GRID2: variants seen among roughly 807,000 people sequenced by gnomAD.
The protein encoded by GRID2 is glutamate ionotropic receptor delta type subunit 2.
Under a neutral mutation model 114.8 loss-of-function variants are expected in GRID2, and 33 were observed. That is an observed-to-expected ratio of 0.29 (90% CI 0.22 to 0.38). The LOEUF is 0.38. Among genes scored for constraint, GRID2 ranks in the 10% least tolerant of loss-of-function variants. The pLI, the probability that GRID2 is intolerant of heterozygous loss-of-function variation, is 1.00. For synonymous variants in GRID2, 505 were observed against 449.9 expected (o/e 1.12, Z -1.55); for missense variants, 1,184 against 1,257.7 (o/e 0.94, Z 0.89).
chr4:93,430,555 C>T (rs1215334922), intron 10 of GRID2, among the ~76,000 whole-genome samples: 1 of 152,210 alleles, frequency 6.6e-6, no homozygotes, highest in Non-Finnish European at 1.5e-5. Flanking sequence ...TGGAGGGATG[C>T]AAGTGTGAAT....
intron 1 of GRID2, among the ~76,000 whole-genome samples, chr4:92,504,727 G>C (rs571825613): frequency 4.0e-5 from 6 of 151,608 alleles, no homozygotes; most frequent in African/African-American, 4.8e-5. Context: ...AAACAGATAG[G>C]TTCCTAAAAT....
intron 1 of GRID2, among the ~76,000 whole-genome samples, chr4:92,558,123 GA>G: frequency 6.6e-6 from 1 of 151,996 alleles, no homozygotes; most frequent in Non-Finnish European, 1.5e-5. Context: ...TCCTGTGAGG[GA>G]AGGTCGAATA....
intron 2 of GRID2, among the ~76,000 whole-genome samples, chr4:93,041,034 C>T (rs1016770870): frequency 1.7e-4 from 26 of 152,008 alleles, no homozygotes; most frequent in African/African-American, 6.3e-4. Context: ...AAATTAAGAA[C>T]AAAAATCAGA....
intron 11 of GRID2, among the ~76,000 whole-genome samples, chr4:93,463,528 A>G (rs1045189055): frequency 6.6e-6 from 1 of 152,214 alleles, no homozygotes; most frequent in African/African-American, 2.4e-5. Flanking sequence ...AAGAACTAGT[A>G]CAATCAACAT....
At chr4:92,496,354 A>T (rs954382564) in intron 1 of GRID2, among the ~76,000 whole-genome samples, 2 of 151,796 alleles carry the variant, frequency 1.3e-5, no homozygotes, top group African/African-American at 4.8e-5. Flanking sequence ...ATCTGAAAAC[A>T]AAACAAAACA....
intron 2 of GRID2, among the ~76,000 whole-genome samples, chr4:92,932,351 A>G (rs1750306699): frequency 1.3e-5 from 2 of 151,344 alleles, no homozygotes; most frequent in Non-Finnish European, 3.0e-5. Context: ...TTGCACAACT[A>G]CAATGGCTTT....
At chr4:92,361,272 C>T (rs1391627155) in intron 1 of GRID2, among the ~76,000 whole-genome samples, 1 of 151,920 alleles carries the variant, frequency 6.6e-6, no homozygotes, top group East Asian at 1.9e-4. Context: ...GTAAGTCATT[C>T]TACATGTTCC....
chr4:92,502,109 A>G (rs770864820), intron 1 of GRID2, among the ~76,000 whole-genome samples: 2 of 152,112 alleles, frequency 1.3e-5, no homozygotes, highest in Non-Finnish European at 2.9e-5. Context: ...TATTCCTTTT[A>G]AAAAAATAAA....
chr4:93,390,731 A>T (rs1764771912), intron 8 of GRID2, among the ~76,000 whole-genome samples: 1 of 152,166 alleles, frequency 6.6e-6, no homozygotes, highest in African/African-American at 2.4e-5. Flanking sequence ...AGTTGATAAT[A>T]GAGTGATTAT....
intron 10 of GRID2, among the ~76,000 whole-genome samples, chr4:93,435,710 A>G (rs1473504039): frequency 2.6e-5 from 4 of 152,188 alleles, no homozygotes; most frequent in Non-Finnish European, 2.9e-5. Context: ...GAATTTAAAT[A>G]CCTTGCTCAA....
chr4:92,827,955 T>A (rs113617038), intron 2 of GRID2, among the ~76,000 whole-genome samples: 3 of 152,198 alleles, frequency 2.0e-5, no homozygotes, highest in African/African-American at 7.2e-5. Flanking sequence ...TAGTTAATGT[T>A]GAGAATGTCA....
At chr4:92,467,167 T>C (rs1721801045) in intron 1 of GRID2, among the ~76,000 whole-genome samples, 2 of 151,880 alleles carry the variant, frequency 1.3e-5, no homozygotes. Flanking sequence ...TTATTTGAAG[T>C]TTTCAATTTT....
At position 93,446,729 on chromosome 4, in the gene GRID2, G is replaced by T. The variant is rs370375259; in HGVS notation, c.1546-8933G>T. 2.6e-5 allele frequency among the ~76,000 whole-genome samples: 4 copies of T among 152,038 alleles called. No individual in the cohort carries two copies. In the South Asian group the frequency reaches 6.2e-4, roughly 24 times the overall value. ...TTTCTATGTAGACTCTACTAATTTT[G>T]AATTCTGGCTGAAGTATTTTAAAAC... On this transcript the variant is annotated intron_variant, in intron 10 of 15. Transcript: ENST00000282020.
Position 92,590,306 on chromosome 4 carries a change from T to G in GRID2, c.244+20T>G, listed in dbSNP as rs1197732332. ...AAGAAGGTAAGGTCATCAGTATTTA[T>G]TTTGGTTTTTTGGTTCAATTCAAGT... On this transcript the variant is annotated intron_variant, in intron 2 of 15. Transcript: ENST00000282020. 1.3e-6 allele frequency: 2 copies of G among 1,561,830 alleles called. No individual in the cohort carries two copies. The highest frequency in any genetic ancestry group is 1.7e-6 in the Non-Finnish European group (2 of 1,145,652).
At chr4:92,529,887 T>TCA (rs1725243174) in intron 1 of GRID2, among the ~76,000 whole-genome samples, 1 of 151,966 alleles carries the variant, frequency 6.6e-6, no homozygotes, top group African/African-American at 2.4e-5. Flanking sequence ...AAGCGGAGAA[T>TCA]AGTAAAAAGC....
In GRID2 at chr4:92,949,250, AT is replaced by A. The variant is rs1377609549; in HGVS notation, c.245-135742del. ...TAGATTAAATGGAGCTAAATGTTGAATTTATAATTACTAAATATCTATGTAA... is the reference window on the plus strand; with the variant it reads ...TAGATTAAATGGAGCTAAATGTTGAATTATAATTACTAAATATCTATGTAA... On this transcript the variant is annotated intron_variant, in intron 2 of 15. Coordinates refer to ENST00000282020, the MANE Select transcript of GRID2 (RefSeq NM_001510.4). Among the ~76,000 whole-genome samples, 3 of 151,996 alleles carry A rather than the reference AT, an allele frequency of 2.0e-5. No individual in the cohort carries two copies. In the East Asian group the frequency reaches 5.8e-4, roughly 29 times the overall value.
chr4:93,776,874 C>T (rs1734381004), downstream of GRID2, among the ~76,000 whole-genome samples: 1 of 152,140 alleles, frequency 6.6e-6, no homozygotes, highest in Non-Finnish European at 1.5e-5. Context: ...GTGTCCTCAT[C>T]GGCATAATGT....
At chr4:92,756,861 C>T (rs1737743440) in intron 2 of GRID2, among the ~76,000 whole-genome samples, 1 of 151,808 alleles carries the variant, frequency 6.6e-6, no homozygotes, top group Non-Finnish European at 1.5e-5. Flanking sequence ...GTATTAGTTT[C>T]TTGTCAGATA....
chr4:92,556,775 C>T (rs1424601021), intron 1 of GRID2, among the ~76,000 whole-genome samples: 3 of 152,214 alleles, frequency 2.0e-5, no homozygotes, highest in Middle Eastern at 3.4e-3. Context: ...TAGTTTACAA[C>T]ATGGCAACAG....
Sources: allele counts gnomAD v4.1 joint callset (sites outside exome capture counted in the v4.1 genomes callset), GRCh38; gene constraint gnomAD v4.1.1; transcripts MANE v1.5; gene names NCBI Gene and HGNC (gene_info 2026-07-23, HGNC 2026-07-21).